The following RHOU variants were observed in gnomAD, a reference collection of about 807,000 sequenced individuals.
RHOU encodes rho-related GTP-binding protein RhoU.
Under a neutral mutation model 12.6 loss-of-function variants are expected in RHOU, and 8 were observed. That is an observed-to-expected ratio of 0.64 (90% CI 0.37 to 1.15). The LOEUF is 1.15. RHOU is among the 50% of genes most tolerant of loss of function. RHOU has a pLI of 0.01. For synonymous variants in RHOU, 161 were observed against 147.4 expected, an observed-to-expected ratio of 1.09 and a Z score of -0.67; for missense variants, 258 against 347.0, an observed-to-expected ratio of 0.74 and a Z score of 2.04.
At chr1:228,690,915 G>T in the RHOU span, among the ~76,000 whole-genome samples, 2 of 152,124 alleles carry the variant, frequency 1.3e-5, no homozygotes, top group Non-Finnish European at 2.9e-5. Context: ...CGTGCATGGT[G>T]GAAGATTAGT....
At chr1:228,700,288 C>T in the RHOU span, among the ~76,000 whole-genome samples, 2 of 152,206 alleles carry the variant, frequency 1.3e-5, no homozygotes, top group African/African-American at 4.8e-5. Flanking sequence ...AATTTTAGTA[C>T]TGGCTGATGT....
At chr1:228,689,618 T>TGAGC in the RHOU span, among the ~76,000 whole-genome samples, 1 of 152,004 alleles carries the variant, frequency 6.6e-6, no homozygotes, top group African/African-American at 2.4e-5. Context: ...TAGCCGGAGG[T>TGAGC]GAGCAGTGGG....
chr1:228,678,560 A>C, the RHOU span, among the ~76,000 whole-genome samples: 1 of 152,202 alleles, frequency 6.6e-6, no homozygotes, highest in Non-Finnish European at 1.5e-5. Context: ...AAGAGTTTTT[A>C]TTAAAGAGGC....
Position 228,743,618 on chromosome 1 carries a change from A to G in RHOU, c.655A>G (p.Ile219Val), listed in dbSNP as rs760037638. The change falls in exon 3 of 3, where the codon ATC becomes GTC. Residue 219 changes from isoleucine (I) to valine (V), a missense_variant. Transcript: ENST00000366691. The surrounding 1 kb of genome is among the most constrained non-coding windows in gnomAD (Gnocchi z 5.1). ...KNLKEVFDAA[I>V]VAGIQYSDTQ... ...CCTCAAAGAGGTCTTTGATGCAGCC[A>G]TCGTCGCTGGCATTCAATACTCGGA... 6 of 1,614,216 alleles carry G rather than the reference A, an allele frequency of 3.7e-6. No homozygotes were observed. The highest frequency in any genetic ancestry group is 1.3e-5 in the African/African-American group (1 of 75,052).
the RHOU span, chr1:228,650,738 G>T: frequency 2.2e-6 from 1 of 455,750 alleles, no homozygotes. Flanking sequence ...CTACAGGCCA[G>T]CTTATGATCA....
the RHOU span, among the ~76,000 whole-genome samples, chr1:228,693,668 G>A: frequency 2.6e-5 from 4 of 151,972 alleles, no homozygotes; most frequent in Admixed American, 6.6e-5. Context: ...GGCTTTCACC[G>A]TATTGGCCAG....
chr1:228,686,976 G>GTGATT, the RHOU span, among the ~76,000 whole-genome samples: 3 of 152,038 alleles, frequency 2.0e-5, no homozygotes, highest in African/African-American at 4.8e-5. Context: ...CTGACCTTAG[G>GTGATT]TGATTCACCC....
chr1:228,716,024 C>A, the RHOU span, among the ~76,000 whole-genome samples: 1 of 151,818 alleles, frequency 6.6e-6, no homozygotes, highest in South Asian at 2.1e-4. Flanking sequence ...GCAATCTTCC[C>A]ACAGCAGACT....
the RHOU span, among the ~76,000 whole-genome samples, chr1:228,696,620 C>T: frequency 6.6e-6 from 1 of 152,248 alleles, no homozygotes; most frequent in Admixed American, 6.5e-5. Flanking sequence ...TATCACAGCT[C>T]AGTGCAGCCT....
chr1:228,711,069 G>C, the RHOU span, among the ~76,000 whole-genome samples: 1 of 151,922 alleles, frequency 6.6e-6, no homozygotes, highest in African/African-American at 2.4e-5. Flanking sequence ...TTGCTTCAAA[G>C]AGAATAAAAT....
the RHOU span, among the ~76,000 whole-genome samples, chr1:228,714,048 C>T: frequency 6.6e-6 from 1 of 152,082 alleles, no homozygotes; most frequent in African/African-American, 2.4e-5. Context: ...GTTTTATAGC[C>T]TCTATGGAGA....
the RHOU span, among the ~76,000 whole-genome samples, chr1:228,661,783 A>T: frequency 6.6e-5 from 10 of 152,184 alleles, no homozygotes; most frequent in Non-Finnish European, 1.2e-4. Flanking sequence ...GGACGTCATG[A>T]CTGAAACACC....
chr1:228,691,206 C>G, the RHOU span, among the ~76,000 whole-genome samples: 2 of 152,034 alleles, frequency 1.3e-5, no homozygotes, highest in African/African-American at 2.4e-5. Context: ...TCAGCATTTC[C>G]TACAGAGTAG....
the RHOU span, among the ~76,000 whole-genome samples, chr1:228,701,226 G>A: frequency 6.6e-6 from 1 of 152,160 alleles, no homozygotes; most frequent in East Asian, 1.9e-4. Flanking sequence ...TGGGAAGGCC[G>A]TCAAATATGT....
chr1:228,677,112 C>A, the RHOU span, among the ~76,000 whole-genome samples: 1 of 151,992 alleles, frequency 6.6e-6, no homozygotes, highest in Admixed American at 6.6e-5. Context: ...CTGCTTCAAG[C>A]GGGATTGGGG....
chr1:228,711,349 A>G, the RHOU span, among the ~76,000 whole-genome samples: 1 of 152,176 alleles, frequency 6.6e-6, no homozygotes, highest in African/African-American at 2.4e-5. Flanking sequence ...CCGCATCGCC[A>G]AGTCAATCCT....
At chr1:228,690,742 C>T in the RHOU span, among the ~76,000 whole-genome samples, 9 of 152,040 alleles carry the variant, frequency 5.9e-5, no homozygotes, top group East Asian at 3.9e-4. Context: ...CTCAGTCTCC[C>T]GAGCAGCTGA....
the RHOU span, among the ~76,000 whole-genome samples, chr1:228,670,325 A>G: frequency 6.6e-6 from 1 of 152,348 alleles, no homozygotes; most frequent in South Asian, 2.1e-4. Flanking sequence ...GCAGAGCTAG[A>G]TTAGGGGCCT....
At chr1:228,681,665 A>G in the RHOU span, among the ~76,000 whole-genome samples, 1 of 152,104 alleles carries the variant, frequency 6.6e-6, no homozygotes, top group African/African-American at 2.4e-5. Flanking sequence ...ATTTAGAACC[A>G]TTGTCGAGTT....
Sources: allele counts gnomAD v4.1 joint callset (sites outside exome capture counted in the v4.1 genomes callset), GRCh38; gene constraint gnomAD v4.1.1; non-coding constraint Gnocchi (gnomAD v3.1); transcripts MANE v1.5; gene names NCBI Gene and HGNC (gene_info 2026-07-23, HGNC 2026-07-21).